The following CUL5 variants were observed in gnomAD, a reference collection of about 807,000 sequenced individuals.
The protein encoded by CUL5 is cullin 5, also known as cullin-5.
CUL5 carries 26 observed loss-of-function variants against 108.8 expected under a neutral mutation model. The observed-to-expected ratio is 0.24, with a 90% confidence interval of 0.18 to 0.33. The LOEUF (loss-of-function observed/expected upper bound fraction) is 0.33, where lower values mean the gene tolerates loss of function less well. Among genes scored for constraint, CUL5 ranks in the 10% least tolerant of loss-of-function variants. The pLI is 1.00. For synonymous variants in CUL5, 334 were observed against 298.0 expected (o/e 1.12, Z -1.25); for missense variants, 524 against 909.2 (o/e 0.58, Z 5.45).
At chr11:108,073,265 GTTTTAT>G (rs1863868471) in intron 9 of CUL5, 119 bp from the exon 10 acceptor site, 10 of 566,896 alleles carry the variant, frequency 1.8e-5, no homozygotes, top group East Asian at 3.3e-5. Flanking sequence ...ACACCTTTTA[GTTTTAT>G]TTTTAAGAAA....
intron 7 of CUL5, among the ~76,000 whole-genome samples, chr11:108,058,528 G>A (rs1373256071): frequency 6.6e-6 from 1 of 151,666 alleles, no homozygotes; most frequent in Non-Finnish European, 1.5e-5. Flanking sequence ...GATTACAGAC[G>A]TGAGCCACTG....
chr11:108,091,721 A>ACG (rs1182963225), intron 13 of CUL5, among the ~76,000 whole-genome samples: 1 of 151,172 alleles, frequency 6.6e-6, no homozygotes, highest in Non-Finnish European at 1.5e-5. Context: ...ACACACACAC[A>ACG]CACACACACA....
At chr11:108,046,516 A>C in intron 3 of CUL5, 147 bp downstream of exon 3, 1 of 546,870 alleles carries the variant, frequency 1.8e-6, no homozygotes, top group East Asian at 3.1e-5. Flanking sequence ...TATTAATGAA[A>C]TGATCGTCAT....
At chr11:108,067,936 T>G (rs988672678) in intron 7 of CUL5, among the ~76,000 whole-genome samples, 7 of 152,194 alleles carry the variant, frequency 4.6e-5, no homozygotes, top group Non-Finnish European at 1.0e-4. Flanking sequence ...TCTTTTTTTT[T>G]TCCTTTTTTG....
chr11:108,054,826 G>A (rs1437981721), intron 6 of CUL5, 34 bp downstream of exon 6: 2 of 1,601,954 alleles, frequency 1.2e-6, no homozygotes, highest in Non-Finnish European at 1.7e-6. Flanking sequence ...GATAATTTGA[G>A]CAATTCCCTT....
At chr11:108,010,703 CTCTT>C (rs1174505946) in intron 1 of CUL5, among the ~76,000 whole-genome samples, 1 of 152,208 alleles carries the variant, frequency 6.6e-6, no homozygotes, top group Non-Finnish European at 1.5e-5. Context: ...ACTACTCCCC[CTCTT>C]TCTTTAAGAA....
intron 1 of CUL5, among the ~76,000 whole-genome samples, chr11:108,010,892 T>G (rs550785981): frequency 3.5e-4 from 54 of 152,292 alleles, no homozygotes; most frequent in African/African-American, 1.2e-3. Flanking sequence ...TTAGATACAT[T>G]AATTTAATCT....
In CUL5 at chr11:108,092,473, A is replaced by G. The variant is rs1452067355; in HGVS notation, c.1444-1918A>G. Reference sequence around the variant, plus strand: ...ACCCAAAATGTCAGTGAGCTAATGAATAAAATGTGATTTATCCATACAATG... The same window carrying G: ...ACCCAAAATGTCAGTGAGCTAATGAGTAAAATGTGATTTATCCATACAATG... On this transcript the variant is annotated intron_variant, in intron 13 of 18. Transcript: ENST00000393094. Among the ~76,000 whole-genome samples, 7 of 152,396 alleles carry G rather than the reference A, an allele frequency of 4.6e-5. No homozygotes were observed. In the South Asian group the frequency reaches 6.2e-4, roughly 14 times the overall value.
At chr11:108,028,695 G>C (rs1201401368) in intron 1 of CUL5, among the ~76,000 whole-genome samples, 1 of 152,070 alleles carries the variant, frequency 6.6e-6, no homozygotes, top group African/African-American at 2.4e-5. Context: ...AATTAGCTGA[G>C]CGTGGTGGTG....
At chr11:108,026,717 G>A (rs555854370) in intron 1 of CUL5, among the ~76,000 whole-genome samples, 3 of 152,006 alleles carry the variant, frequency 2.0e-5, no homozygotes, top group Admixed American at 6.6e-5. Flanking sequence ...TTGGCCAGGC[G>A]CAGTGGCTCA....
Position 108,033,868 on chromosome 11 carries a change from C to T in CUL5, c.91C>T (p.Arg31Cys), listed in dbSNP as rs769988633. Reference protein sequence around the residue: ...FMRPIVLKLLRQESVTKQQWF... With the variant: ...FMRPIVLKLLCQESVTKQQWF... ...GCGCCCGATTGTTTTGAAGCTTTTA[C>T]GCCAGGAATCTGTTACAAAACAGCA... is the stretch of plus-strand genomic sequence containing the variant. The change falls in exon 2 of 19, where the codon CGC becomes TGC. Residue 31 changes from arginine to cysteine, a missense_variant. Around this residue, in one of 8 missense-constraint regions of CUL5, gnomAD observed 76 missense variants for 90.8 expected, o/e 0.84. Transcript: ENST00000393094. The T allele has an allele frequency of 6.2e-6, 10 of 1,612,538 alleles. No homozygotes were observed. Among genetic ancestry groups the T allele is most frequent in the South Asian group, 4.4e-5 (4 of 90,974 alleles).
intron 7 of CUL5, among the ~76,000 whole-genome samples, chr11:108,065,580 G>A (rs1460869423): frequency 6.6e-6 from 1 of 152,098 alleles, no homozygotes; most frequent in Non-Finnish European, 1.5e-5. Flanking sequence ...GTGAAAGGGT[G>A]GTGGTGAGTT....
chr11:108,101,741 C>T (rs1864674974), intron 18 of CUL5, among the ~76,000 whole-genome samples: 1 of 152,172 alleles, frequency 6.6e-6, no homozygotes, highest in African/African-American at 2.4e-5. Flanking sequence ...GGACCAGGGC[C>T]AGTGTCCCTC....
intron 11 of CUL5, among the ~76,000 whole-genome samples, chr11:108,081,006 G>T (rs1864067695): frequency 6.6e-6 from 1 of 151,364 alleles, no homozygotes; most frequent in Non-Finnish European, 1.5e-5. Context: ...GTTTTATAGG[G>T]CCGGGCACAG....
Position 108,050,005 on chromosome 11 carries a change from C to T in CUL5, c.350C>T (p.Thr117Ile). The T allele has an allele frequency of 6.2e-7, 1 of 1,613,584 alleles. No homozygotes were observed. Among genetic ancestry groups the T allele is most frequent in the Non-Finnish European group, 8.5e-7 (1 of 1,179,706 alleles). The change falls in exon 4 of 19, where the codon ACT becomes ATT. Residue 117 changes from threonine (T) to isoleucine (I), a missense_variant. By Grantham distance (89) the Thr-to-Ile change is moderately conservative. This residue lies in a region of CUL5 where 170 missense variants were observed against 305.1 expected (regional missense o/e 0.56). Coordinates refer to ENST00000393094, the MANE Select transcript of CUL5 (RefSeq NM_003478.6). ...AAACCTTTTTGTCAACTAGAGATTA[C>T]TTTAATGGGTAAACAGGGCAGCAAT... Reference protein sequence around the residue: ...LPKPFCQLEITLMGKQGSNKK... With the variant: ...LPKPFCQLEIILMGKQGSNKK...
At chr11:108,034,160 G>A (rs1204906377) in intron 2 of CUL5, among the ~76,000 whole-genome samples, 13 of 152,118 alleles carry the variant, frequency 8.5e-5, no homozygotes. Context: ...AATCAGCAAA[G>A]GGAAAAGGTA....
intron 2 of CUL5, among the ~76,000 whole-genome samples, chr11:108,044,380 T>C (rs1193964885): frequency 6.6e-6 from 1 of 151,946 alleles, no homozygotes; most frequent in East Asian, 1.9e-4. Context: ...CCAGACATGG[T>C]GGCACATACC....
intron 18 of CUL5, among the ~76,000 whole-genome samples, chr11:108,101,034 AAG>A (rs1201868600): frequency 2.6e-5 from 4 of 152,362 alleles, no homozygotes; most frequent in East Asian, 3.9e-4. Flanking sequence ...TCTAAAAAAA[AAG>A]AGTTGAAATG....
intron 1 of CUL5, among the ~76,000 whole-genome samples, chr11:108,012,658 T>C (rs1314392958): frequency 1.3e-5 from 2 of 151,742 alleles, no homozygotes; most frequent in Non-Finnish European, 2.9e-5. Flanking sequence ...TGCAGTGGTG[T>C]GGATCTCCAC....
Sources: allele counts gnomAD v4.1 joint callset (sites outside exome capture counted in the v4.1 genomes callset), GRCh38; gene constraint gnomAD v4.1.1; regional missense constraint gnomAD v4.1.1; transcripts MANE v1.5; gene names NCBI Gene and HGNC (gene_info 2026-07-23, HGNC 2026-07-21).